SAMD5: variants seen among roughly 807,000 people sequenced by gnomAD.
SAMD5 encodes the protein sterile alpha motif domain-containing protein 5.
A neutral mutation model predicts 11.3 loss-of-function variants in SAMD5; 13 were observed. That is an observed-to-expected ratio of 1.15 (90% CI 0.75 to 1.83). The LOEUF (loss-of-function observed/expected upper bound fraction) is 1.83. Ranked by LOEUF, SAMD5 falls within the 40% of genes most tolerant of loss-of-function variation. The pLI, the probability that SAMD5 is intolerant of heterozygous loss-of-function variation, is 0.00. For synonymous variants in SAMD5, 129 were observed against 111.3 expected, an observed-to-expected ratio of 1.16 and a Z score of -1.00; for missense variants, 255 against 239.1, an observed-to-expected ratio of 1.07 and a Z score of -0.44.
the SAMD5 span, among the ~76,000 whole-genome samples, chr6:147,755,990 T>C: frequency 4.7e-3 from 716 of 152,238 alleles, 5 homozygotes; most frequent in African/African-American, 0.017. Flanking sequence ...TCAAGAGCAT[T>C]TTAGAACCTA....
At chr6:147,744,921 ATAAG>A in the SAMD5 span, among the ~76,000 whole-genome samples, 5 of 142,632 alleles carry the variant, frequency 3.5e-5, no homozygotes, top group East Asian at 1.9e-4. Context: ...AAATAAATAA[ATAAG>A]TAAGTAAAAG....
downstream of SAMD5, among the ~76,000 whole-genome samples, chr6:147,574,634 G>C (rs1789191454): frequency 6.6e-6 from 1 of 152,158 alleles, no homozygotes; most frequent in Non-Finnish European, 1.5e-5. Flanking sequence ...CACTTCTGGA[G>C]GCTGGGAAGT....
At chr6:147,941,324 T>C in the SAMD5 span, among the ~76,000 whole-genome samples, 1 of 152,176 alleles carries the variant, frequency 6.6e-6, no homozygotes, top group Non-Finnish European at 1.5e-5. Flanking sequence ...TATGTGCATT[T>C]AATTAAGTGC....
intron 1 of SAMD5, among the ~76,000 whole-genome samples, chr6:147,639,139 C>A (rs937852746): frequency 1.3e-5 from 2 of 152,110 alleles, no homozygotes; most frequent in Non-Finnish European, 2.9e-5. Context: ...CATTTTCTGA[C>A]CTTTTTTGAA....
chr6:147,777,652 A>G, the SAMD5 span, among the ~76,000 whole-genome samples: 1 of 152,314 alleles, frequency 6.6e-6, no homozygotes, highest in Middle Eastern at 3.4e-3. Context: ...TAAAATAGAA[A>G]CTGTAACCTT....
the SAMD5 span, among the ~76,000 whole-genome samples, chr6:147,895,888 G>A: frequency 1.2e-4 from 18 of 152,300 alleles, no homozygotes; most frequent in South Asian, 3.5e-3. Flanking sequence ...ACCCGGAAAT[G>A]TTGTCTTCAA....
chr6:147,769,486 G>A, the SAMD5 span, among the ~76,000 whole-genome samples: 1 of 152,108 alleles, frequency 6.6e-6, no homozygotes, highest in Non-Finnish European at 1.5e-5. Context: ...TCCTTACTCA[G>A]TGATAATGGA....
At chr6:147,827,966 AT>A in the SAMD5 span, among the ~76,000 whole-genome samples, 9,650 of 142,534 alleles carry the variant, frequency 0.068, 876 homozygotes, top group African/African-American at 0.21. Flanking sequence ...ATTTTTCTGT[AT>A]TTTTTTTTTT....
the SAMD5 span, among the ~76,000 whole-genome samples, chr6:147,889,321 T>C: frequency 2.9e-4 from 44 of 152,344 alleles, no homozygotes; most frequent in Non-Finnish European, 3.8e-4. Flanking sequence ...TTAGAAGTTT[T>C]ATTTGGGTCT....
At chr6:147,664,722 A>G (rs1456436940) in intron 1 of SAMD5, among the ~76,000 whole-genome samples, 2 of 152,188 alleles carry the variant, frequency 1.3e-5, no homozygotes, top group Non-Finnish European at 1.5e-5. Context: ...AATTTGTTGA[A>G]AATTGAATAT....
the SAMD5 span, among the ~76,000 whole-genome samples, chr6:147,942,823 C>CTTTTT: frequency 2.8e-3 from 363 of 128,828 alleles, 11 homozygotes; most frequent in Middle Eastern, 8.7e-3. Context: ...CCCAATGCTT[C>CTTTTT]TTTTTTTTTT....
the SAMD5 span, among the ~76,000 whole-genome samples, chr6:147,820,469 C>T: frequency 6.6e-6 from 1 of 152,144 alleles, no homozygotes; most frequent in African/African-American, 2.4e-5. Context: ...TTTCATTTTT[C>T]AGTCTTAATG....
intron 1 of SAMD5, among the ~76,000 whole-genome samples, chr6:147,703,956 C>T (rs1791291388): frequency 6.6e-6 from 1 of 152,108 alleles, no homozygotes; most frequent in Admixed American, 6.5e-5. Flanking sequence ...AGTGCAGTGG[C>T]ACAATCTTGG....
At chr6:147,946,949 G>A in the SAMD5 span, among the ~76,000 whole-genome samples, 1 of 152,118 alleles carries the variant, frequency 6.6e-6, no homozygotes, top group Non-Finnish European at 1.5e-5. Flanking sequence ...GGGCCAATAA[G>A]CTATTGTTAT....
chr6:147,847,001 G>A, the SAMD5 span, among the ~76,000 whole-genome samples: 1 of 152,154 alleles, frequency 6.6e-6, no homozygotes, highest in Non-Finnish European at 1.5e-5. Context: ...TACTTGGTTG[G>A]TAGATATCAA....
chr6:147,853,425 C>T, the SAMD5 span, among the ~76,000 whole-genome samples: 12 of 151,868 alleles, frequency 7.9e-5, no homozygotes, highest in African/African-American at 2.2e-4. Flanking sequence ...CAGGAGCTAA[C>T]TTAGGGTTAA....
chr6:147,565,694 A>T lies in SAMD5; in HGVS notation c.*1238A>T. ...AGGCTGTTCTTGAACTCCTGGCCTC[A>T]AATGATCCACTCGCCGTGGCCTCCA... On this transcript the variant is annotated 3_prime_UTR_variant, in exon 2 of 2. Coordinates refer to ENST00000367474, the MANE Select transcript of SAMD5 (RefSeq NM_001030060.3). The T allele has an allele frequency of 1.2e-6, 1 of 851,338 alleles. No homozygotes were observed. The highest frequency in any genetic ancestry group is 1.4e-6 in the Non-Finnish European group (1 of 708,084). The allele number at this position is 851,338 out of a possible 1,614,324, so 52.7% of individuals were successfully genotyped here. A position where few individuals can be genotyped will look rare whatever the true frequency, so the allele number is the denominator to read the frequency against.
At chr6:147,510,042 C>T (rs1397644119) in intron 1 of SAMD5, among the ~76,000 whole-genome samples, 1 of 152,178 alleles carries the variant, frequency 6.6e-6, no homozygotes, top group Non-Finnish European at 1.5e-5. Flanking sequence ...CAGAGATAAT[C>T]GGGCCACAGG....
chr6:147,686,572 G>A (rs1427299803), intron 1 of SAMD5, among the ~76,000 whole-genome samples: 2 of 152,150 alleles, frequency 1.3e-5, no homozygotes, highest in African/African-American at 2.4e-5. Context: ...CATGGTATAA[G>A]TCATGTGTCC....
Sources: gnomAD v4.1 joint callset for allele counts (sites outside exome capture counted in the v4.1 genomes callset) on GRCh38, gnomAD v4.1.1 for gene constraint, MANE v1.5 for transcripts, NCBI Gene and HGNC (gene_info 2026-07-23, HGNC 2026-07-21) for gene names.